PTGER3: variants seen among roughly 807,000 people sequenced by gnomAD.
The protein encoded by PTGER3 is prostaglandin E2 receptor EP3 subtype.
PTGER3 carries 22 observed loss-of-function variants against 34.7 expected under a neutral mutation model. The observed-to-expected ratio is 0.63, with a 90% CI of 0.45 to 0.91. PTGER3 has a LOEUF of 0.91. Among genes scored for constraint, PTGER3 ranks in the 40% least tolerant of loss-of-function variants. PTGER3 has a pLI of 0.00. For synonymous variants in PTGER3, 241 were observed against 230.1 expected, an observed-to-expected ratio of 1.05 and a Z score of -0.43; for missense variants, 468 against 519.4, an observed-to-expected ratio of 0.90 and a Z score of 0.96.
At chr1:70,908,446 A>G (rs1284069942) in intron 4 of PTGER3, among the ~76,000 whole-genome samples, 2 of 152,150 alleles carry the variant, frequency 1.3e-5, no homozygotes, top group African/African-American at 4.8e-5. Flanking sequence ...CTGGAGCAGG[A>G]TAACTCTGAT....
intron 2 of PTGER3, among the ~76,000 whole-genome samples, chr1:70,995,620 A>C (rs1029750310): frequency 5.9e-5 from 9 of 152,178 alleles, no homozygotes; most frequent in African/African-American, 2.2e-4. Context: ...AATTATAGTA[A>C]TAACATGATG....
chr1:70,924,494 G>A (rs558324189), intron 4 of PTGER3, among the ~76,000 whole-genome samples: 139 of 152,280 alleles, frequency 9.1e-4, no homozygotes, highest in Middle Eastern at 3.4e-3. Flanking sequence ...GAACAACCAA[G>A]AGGGATGGGT....
At chr1:70,852,911 T>A (rs778797739) in intron 4 of PTGER3, 1 of 1,566,326 alleles carries the variant, frequency 6.4e-7, no homozygotes, top group Non-Finnish European at 8.8e-7. Context: ...GCACTGTTAA[T>A]ATCTTAAATA....
intron 2 of PTGER3, among the ~76,000 whole-genome samples, chr1:70,988,661 AGATCAGCCCT>A (rs1572865219): frequency 6.6e-6 from 1 of 152,208 alleles, no homozygotes; most frequent in East Asian, 1.9e-4. Context: ...GGAAGTAGCC[AGATCAGCCCT>A]GGACTATCTA....
In PTGER3 at chr1:70,972,753, G is replaced by A. The variant is rs189894137; in HGVS notation, c.1170-1020C>T. Among the ~76,000 whole-genome samples the A allele has an allele frequency of 9.8e-3, 1,490 of 151,986 alleles. 17 individuals are homozygous for A. The highest frequency in any genetic ancestry group is 0.015 in the Non-Finnish European group (1,034 of 67,952). ...ATGCTTATTTTATGCTAAATAAAATGAGAACAAGATTAAAAAATGTATATC... is the reference window on the plus strand; with the variant it reads ...ATGCTTATTTTATGCTAAATAAAATAAGAACAAGATTAAAAAATGTATATC... On this transcript the variant is annotated intron_variant, in intron 3 of 3. Coordinates refer to ENST00000306666, the MANE Select transcript of PTGER3 (RefSeq NM_198719.2).
chr1:71,001,132 C>T (rs529168669), intron 2 of PTGER3, among the ~76,000 whole-genome samples: 1 of 151,962 alleles, frequency 6.6e-6, no homozygotes, highest in South Asian at 2.1e-4. Context: ...GCATGATAAG[C>T]CTTTCAGCAC....
At chr1:71,030,592 G>A (rs1398969004) in intron 1 of PTGER3, among the ~76,000 whole-genome samples, 1 of 152,158 alleles carries the variant, frequency 6.6e-6, no homozygotes, top group Non-Finnish European at 1.5e-5. Context: ...ACACACAGAA[G>A]TAAATAAAAT....
At chr1:70,956,512 G>A (rs1651351695) in intron 2 of PTGER3, among the ~76,000 whole-genome samples, 1 of 151,880 alleles carries the variant, frequency 6.6e-6, no homozygotes, top group Non-Finnish European at 1.5e-5. Context: ...TATAATCAAT[G>A]GAATTTTACT....
chr1:70,862,213 A>T (rs1422923493), intron 4 of PTGER3: 1 of 670,946 alleles, frequency 1.5e-6, no homozygotes, highest in Admixed American at 4.2e-5. Flanking sequence ...AATTTATGAA[A>T]TGAGATACAT....
intron 1 of PTGER3, among the ~76,000 whole-genome samples, chr1:71,029,554 T>C (rs1331691756): frequency 1.3e-5 from 2 of 152,204 alleles, no homozygotes; most frequent in South Asian, 4.1e-4. Context: ...ATCATCCTCA[T>C]TGCCATAATT....
intron 4 of PTGER3, among the ~76,000 whole-genome samples, chr1:70,917,620 G>T (rs998200769): frequency 5.3e-5 from 8 of 151,364 alleles, no homozygotes; most frequent in Non-Finnish European, 7.4e-5. Context: ...TATTTTTTTT[G>T]AGGAACCCCC....
At chr1:70,900,621 G>A (rs1222594892) in intron 4 of PTGER3, among the ~76,000 whole-genome samples, 1 of 152,104 alleles carries the variant, frequency 6.6e-6, no homozygotes, top group African/African-American at 2.4e-5. Context: ...CTTGTCCAAG[G>A]TGAGATACAA....
At chr1:70,910,857 C>T (rs565273235) in intron 4 of PTGER3, among the ~76,000 whole-genome samples, 51 of 151,928 alleles carry the variant, frequency 3.4e-4, no homozygotes, top group African/African-American at 9.9e-4. Context: ...CCGAGGCAGG[C>T]GGATCACGAG....
chr1:70,966,952 G>A (rs774513419), downstream of PTGER3, among the ~76,000 whole-genome samples: 2 of 151,858 alleles, frequency 1.3e-5, no homozygotes, highest in Non-Finnish European at 2.9e-5. Context: ...TCTATTTTGG[G>A]GGTATATACC....
At chr1:71,035,962 A>G (rs1659785983) in intron 1 of PTGER3, among the ~76,000 whole-genome samples, 1 of 152,034 alleles carries the variant, frequency 6.6e-6, no homozygotes, top group Non-Finnish European at 1.5e-5. Context: ...CTTCCTTGAC[A>G]CTCTCTCAAA....
intron 1 of PTGER3, among the ~76,000 whole-genome samples, chr1:71,013,429 G>T (rs1194004925): frequency 6.6e-6 from 1 of 152,156 alleles, no homozygotes; most frequent in East Asian, 1.9e-4. Context: ...CAGGCCAGGT[G>T]TGGTGGCTCA....
At chr1:70,946,023 C>T (rs1650194784) in intron 4 of PTGER3, among the ~76,000 whole-genome samples, 1 of 152,058 alleles carries the variant, frequency 6.6e-6, no homozygotes. Context: ...TTAGTAATTT[C>T]ATGACTTCCA....
chr1:70,893,163 G>A (rs990470226), intron 4 of PTGER3, among the ~76,000 whole-genome samples: 3 of 152,144 alleles, frequency 2.0e-5, no homozygotes, highest in African/African-American at 4.8e-5. Context: ...GAGGTTAGAA[G>A]CTGATAATTT....
chr1:70,944,831 A>G (rs1280551687), intron 4 of PTGER3, among the ~76,000 whole-genome samples: 2 of 152,136 alleles, frequency 1.3e-5, no homozygotes, highest in Non-Finnish European at 1.5e-5. Context: ...GTGGATTTTC[A>G]TCAGAGAAAT....
Sources: gnomAD v4.1 joint callset for allele counts (sites outside exome capture counted in the v4.1 genomes callset) on GRCh38, gnomAD v4.1.1 for gene constraint, MANE v1.5 for transcripts, NCBI Gene and HGNC (gene_info 2026-07-23, HGNC 2026-07-21) for gene names.